Variants in ERAP1 observed in about 807,000 individuals in gnomAD.
The protein encoded by ERAP1 is adipocyte-derived leucine aminopeptidase.
A neutral mutation model predicts 103.7 loss-of-function variants in ERAP1; 86 were observed. The ratio of observed to expected loss-of-function variants is 0.83; its 90% CI spans 0.70 to 0.99. The LOEUF is 0.99. Ranked by LOEUF, ERAP1 falls within the 50% of genes least tolerant of loss-of-function variation. The probability of loss-of-function intolerance (pLI) is 0.00; values close to 1 mark genes in which losing one functional copy is unlikely to be tolerated. For missense variants in ERAP1, 1,009 were observed against 1,128.4 expected (o/e 0.89, Z 1.52); for synonymous variants, 398 against 402.4 (o/e 0.99, Z 0.13).
At chr5:96,832,819 G>C in the ERAP1 span, among the ~76,000 whole-genome samples, 1 of 152,122 alleles carries the variant, frequency 6.6e-6, no homozygotes, top group African/African-American at 2.4e-5. Flanking sequence ...TGATCCCTTT[G>C]GGCTGATGTC....
the ERAP1 span, among the ~76,000 whole-genome samples, chr5:96,914,173 CAAA>C: frequency 6.6e-6 from 1 of 151,776 alleles, no homozygotes; most frequent in Non-Finnish European, 1.5e-5. Flanking sequence ...CACACAATCA[CAAA>C]ACCCTATAAG....
downstream of ERAP1, chr5:96,772,407 T>C (rs542850986): frequency 7.6e-6 from 1 of 131,004 alleles, no homozygotes; most frequent in South Asian, 2.7e-4. Context: ...TTCAGCTCTC[T>C]CACCATGATC....
chr5:96,859,224 C>T, the ERAP1 span, among the ~76,000 whole-genome samples: 1 of 152,056 alleles, frequency 6.6e-6, no homozygotes, highest in East Asian at 1.9e-4. Context: ...CAGGAGTGTC[C>T]TTCTTGTCCA....
chr5:96,837,858 G>C, the ERAP1 span, among the ~76,000 whole-genome samples: 896 of 152,190 alleles, frequency 5.9e-3, 13 homozygotes, highest in African/African-American at 0.02. Flanking sequence ...AGCTGAAAGG[G>C]GGACAGAGCA....
At chr5:96,855,422 A>G in the ERAP1 span, among the ~76,000 whole-genome samples, 3 of 152,244 alleles carry the variant, frequency 2.0e-5, no homozygotes, top group Non-Finnish European at 2.9e-5. Context: ...TACATTGTCT[A>G]TATCTCACAC....
At chr5:96,795,443 C>G (rs1385314886) in intron 4 of ERAP1, among the ~76,000 whole-genome samples, 3 of 152,198 alleles carry the variant, frequency 2.0e-5, no homozygotes, top group Non-Finnish European at 4.4e-5. Flanking sequence ...AGTGAAATGA[C>G]AGTTAGACCC....
chr5:96,844,980 T>G, the ERAP1 span, among the ~76,000 whole-genome samples: 1 of 152,216 alleles, frequency 6.6e-6, no homozygotes, highest in Non-Finnish European at 1.5e-5. Flanking sequence ...CTGATTCCTC[T>G]TCTCAGATAC....
exon 20 of ERAP1, chr5:96,762,250 T>G (rs1448705406): frequency 6.7e-7 from 1 of 1,500,966 alleles, no homozygotes; most frequent in Non-Finnish European, 9.2e-7. Context: ...AACATGTTAC[T>G]AATAAAATTT....
the ERAP1 span, among the ~76,000 whole-genome samples, chr5:96,819,853 C>T: frequency 6.6e-5 from 10 of 152,244 alleles, no homozygotes; most frequent in East Asian, 3.9e-4. Context: ...AAAGATTGAG[C>T]GTGTAATAGA....
Position 96,788,626 on chromosome 5 carries a change from CT to C in ERAP1, c.1583del (p.Lys528ArgfsTer5). The C allele has an allele frequency of 6.2e-7, 1 of 1,614,150 alleles. No individual in the cohort carries two copies. Among genetic ancestry groups the C allele is most frequent in the Non-Finnish European group, 8.5e-7 (1 of 1,180,014 alleles). ...KTMMNTWTLQKGFPLITITVR... is the reference protein window; with the variant it reads ...KTMMNTWTLQXGFPLITITVR... ...CTGTGATGGTTATTAGGGGAAAACC[CT>C]TCTGCAGTGTCCAAGTGTTCATCAT... On this transcript the variant is annotated frameshift_variant, in exon 11 of 19. Coordinates refer to ENST00000443439, the MANE Select transcript of ERAP1 (RefSeq NM_001040458.3). LOFTEE classifies it high-confidence loss of function.
chr5:96,852,273 A>G, the ERAP1 span, among the ~76,000 whole-genome samples: 1 of 152,178 alleles, frequency 6.6e-6, no homozygotes, highest in Non-Finnish European at 1.5e-5. Flanking sequence ...ATGAGAAAGG[A>G]TGCTAACATG....
At chr5:96,853,219 A>G in the ERAP1 span, among the ~76,000 whole-genome samples, 1 of 152,206 alleles carries the variant, frequency 6.6e-6, no homozygotes, top group Admixed American at 6.5e-5. Flanking sequence ...ACCTACTGAC[A>G]AAGGAATAGC....
the ERAP1 span, chr5:96,909,729 C>A: frequency 6.2e-7 from 1 of 1,614,182 alleles, no homozygotes; most frequent in South Asian, 1.1e-5. Context: ...CTGCTGAACT[C>A]TTCTCCCAGT....
downstream of ERAP1, chr5:96,771,672 A>G: frequency 6.2e-7 from 1 of 1,611,846 alleles, no homozygotes. Context: ...AAGCCAAAAG[A>G]TGACTAAAGA....
At chr5:96,873,735 C>A in the ERAP1 span, 1 of 322,028 alleles carries the variant, frequency 3.1e-6, no homozygotes, top group South Asian at 2.5e-5. Flanking sequence ...ACCCACTCAA[C>A]TAACATTTGT....
At chr5:96,800,014 C>A (rs1010825709) in intron 3 of ERAP1, among the ~76,000 whole-genome samples, 1 of 152,210 alleles carries the variant, frequency 6.6e-6, no homozygotes. Flanking sequence ...TATGATATTG[C>A]TTCCCCGGTC....
chr5:96,800,818 T>G, intron 3 of ERAP1, 44 bp downstream of exon 3: 1 of 1,609,062 alleles, frequency 6.2e-7, no homozygotes, highest in Non-Finnish European at 8.5e-7. Context: ...TCACAGAGAA[T>G]CAGTAGATTT....
chr5:96,785,540 C>T (rs1775881618), intron 13 of ERAP1: 2 of 488,276 alleles, frequency 4.1e-6, no homozygotes, highest in Middle Eastern at 5.9e-4. Flanking sequence ...ACACTTCCGC[C>T]TCAGTATGAT....
At chr5:96,801,854 C>CAAAAAAA (rs59332218) in intron 2 of ERAP1, among the ~76,000 whole-genome samples, 21 of 54,688 alleles carry the variant, frequency 3.8e-4, no homozygotes, top group African/African-American at 1.0e-3. Flanking sequence ...TCCGTCTCGA[C>CAAAAAAA]AAAAAAAAAA....
Sources: gnomAD v4.1 joint callset for allele counts (sites outside exome capture counted in the v4.1 genomes callset) on GRCh38, gnomAD v4.1.1 for gene constraint, MANE v1.5 for transcripts, NCBI Gene and HGNC (gene_info 2026-07-23, HGNC 2026-07-21) for gene names.